XRCC4: variants seen among roughly 807,000 people sequenced by gnomAD.
XRCC4 encodes X-ray repair cross complementing 4, also known as DNA repair protein XRCC4.
Under a neutral mutation model 39.1 loss-of-function variants are expected in XRCC4, and 28 were observed. The observed-to-expected ratio is 0.72, with a 90% CI of 0.53 to 0.98. The LOEUF (loss-of-function observed/expected upper bound fraction) is 0.98. XRCC4 is among the 50% of genes least tolerant of loss of function. XRCC4 has a pLI of 0.00. For synonymous variants in XRCC4, 123 were observed against 126.4 expected (o/e 0.97, Z 0.18); for missense variants, 350 against 376.4 (o/e 0.93, Z 0.58).
At chr5:83,211,083 C>G (rs1388108025) in intron 6 of XRCC4, among the ~76,000 whole-genome samples, 1 of 152,052 alleles carries the variant, frequency 6.6e-6, no homozygotes, top group Non-Finnish European at 1.5e-5. Flanking sequence ...TAAAATTGAC[C>G]CAAAAATAAG....
intron 7 of XRCC4, among the ~76,000 whole-genome samples, chr5:83,309,296 A>AAAAATATATATATATATAT (rs1561467702): frequency 2.8e-5 from 2 of 72,222 alleles, no homozygotes; most frequent in Admixed American, 2.5e-4. Context: ...AAAAAAAAAA[A>AAAAATATATATATATATAT]ATATATATAT....
chr5:83,264,980 G>T (rs926067325), intron 7 of XRCC4, among the ~76,000 whole-genome samples: 4 of 152,034 alleles, frequency 2.6e-5, no homozygotes, highest in Non-Finnish European at 4.4e-5. Flanking sequence ...TTTTGTTGTT[G>T]TTGTTTACCA....
chr5:83,181,096 A>G (rs1297752310), intron 3 of XRCC4, among the ~76,000 whole-genome samples: 1 of 149,930 alleles, frequency 6.7e-6, no homozygotes, highest in African/African-American at 2.4e-5. Flanking sequence ...AAGGTTCTAA[A>G]TAACTCCCTT....
intron 7 of XRCC4, among the ~76,000 whole-genome samples, chr5:83,320,833 A>G (rs1277919051): frequency 7.7e-6 from 1 of 130,528 alleles, no homozygotes; most frequent in Non-Finnish European, 1.6e-5. Flanking sequence ...TTTTTTTGAG[A>G]CAGAGTCTCG....
intron 1 of XRCC4, among the ~76,000 whole-genome samples, chr5:83,094,320 C>T (rs1257734548): frequency 8.0e-6 from 1 of 125,326 alleles, no homozygotes; most frequent in Non-Finnish European, 1.7e-5. Flanking sequence ...TCCCTCCCCT[C>T]CCCTCTCCTC....
At chr5:83,241,002 G>A (rs972699752) in intron 6 of XRCC4, among the ~76,000 whole-genome samples, 1 of 152,116 alleles carries the variant, frequency 6.6e-6, no homozygotes, top group African/African-American at 2.4e-5. Flanking sequence ...TTGTGAGGCC[G>A]AGACGGGCGG....
intron 3 of XRCC4, among the ~76,000 whole-genome samples, chr5:83,122,627 G>A (rs1350315345): frequency 6.6e-6 from 1 of 152,118 alleles, no homozygotes; most frequent in Admixed American, 6.6e-5. Flanking sequence ...AGCAGAAAGT[G>A]AGGTCACTGA....
intron 7 of XRCC4, among the ~76,000 whole-genome samples, chr5:83,275,045 G>A (rs920828828): frequency 6.6e-6 from 1 of 152,176 alleles, no homozygotes; most frequent in Non-Finnish European, 1.5e-5. Flanking sequence ...CCAAGTGGAA[G>A]TTGGTCTTAG....
At chr5:83,152,687 T>G (rs1200134476) in intron 3 of XRCC4, among the ~76,000 whole-genome samples, 1 of 151,874 alleles carries the variant, frequency 6.6e-6, no homozygotes, top group Non-Finnish European at 1.5e-5. Flanking sequence ...CAAAGACCTT[T>G]AAAAGAAGGT....
chr5:83,124,248 T>C (rs955524215), intron 3 of XRCC4, among the ~76,000 whole-genome samples: 3 of 152,168 alleles, frequency 2.0e-5, no homozygotes, highest in African/African-American at 7.2e-5. Flanking sequence ...GAAACCTCTT[T>C]ATTCCCTTGT....
chr5:83,361,939 C>T, the XRCC4 span, among the ~76,000 whole-genome samples: 2 of 152,062 alleles, frequency 1.3e-5, no homozygotes, highest in African/African-American at 2.4e-5. Context: ...TATTCCTTCC[C>T]TCTGTCCCTC....
Position 83,195,784 on chromosome 5 carries a change from C to T in XRCC4, c.330C>T (p.Ser110=). The T allele has an allele frequency of 6.3e-7, 1 of 1,590,444 alleles. No individual in the cohort carries two copies. Among genetic ancestry groups the T allele is most frequent in the Non-Finnish European group, 8.6e-7 (1 of 1,167,004 alleles). The change falls in exon 4 of 8, where the codon TCC becomes TCT. Residue 110 remains serine (S), a synonymous_variant. Transcript: ENST00000396027. ...TTTCATTTTAGTTCAGACTTGGTTC[C>T]TTCAACCTAGAGAAAGTTGAAAACC... ...NLKDVSFRLG[S]FNLEKVENPA...
At chr5:83,233,903 A>C (rs1200394634) in intron 6 of XRCC4, among the ~76,000 whole-genome samples, 1 of 86,358 alleles carries the variant, frequency 1.2e-5, no homozygotes, top group Non-Finnish European at 2.2e-5. Context: ...ACTTCATCTC[A>C]AAAAAAAAAA....
intron 7 of XRCC4, among the ~76,000 whole-genome samples, chr5:83,281,513 T>A (rs200141247): frequency 6.6e-6 from 1 of 152,086 alleles, no homozygotes. Context: ...TGTTTTTTTT[T>A]TTTAATTTTG....
chr5:83,228,864 C>A (rs1752388662), intron 6 of XRCC4, among the ~76,000 whole-genome samples: 2 of 152,126 alleles, frequency 1.3e-5, no homozygotes, highest in South Asian at 2.1e-4. Context: ...ATTGTACTGT[C>A]TCCTTTTTCG....
intron 3 of XRCC4, among the ~76,000 whole-genome samples, chr5:83,173,813 A>G (rs1749833614): frequency 3.3e-5 from 5 of 152,170 alleles, no homozygotes; most frequent in Admixed American, 3.3e-4. Context: ...TGTTAATTCT[A>G]AGGGGACATG....
At chr5:83,114,970 G>A (rs113312952) in intron 3 of XRCC4, among the ~76,000 whole-genome samples, 47 of 152,268 alleles carry the variant, frequency 3.1e-4, no homozygotes, top group African/African-American at 8.9e-4. Flanking sequence ...ACAAAGTTAC[G>A]TCTTACATGG....
Position 83,196,982 on chromosome 5 carries a change from A to G in XRCC4, c.482+1046A>G, listed in dbSNP as rs368349191. Among the ~76,000 whole-genome samples the G allele has an allele frequency of 7.2e-5, 11 of 151,762 alleles. No homozygotes were observed. In the East Asian group the frequency reaches 9.6e-4, roughly 13 times the overall value. ...ATTATTTTTCTGTACATTCAATTAT[A>G]TTTATTAACTAATGCAAAACATGTA... On this transcript the variant is annotated intron_variant, in intron 4 of 7. Transcript: ENST00000396027.
chr5:83,093,014 GACACAC>G (rs34020910), intron 1 of XRCC4, among the ~76,000 whole-genome samples: 2,324 of 149,420 alleles, frequency 0.016, 61 homozygotes, highest in African/African-American at 0.052. Context: ...TAAATGAATG[GACACAC>G]ACACACACAC....
Sources: allele counts gnomAD v4.1 joint callset (sites outside exome capture counted in the v4.1 genomes callset), GRCh38; gene constraint gnomAD v4.1.1; transcripts MANE v1.5; gene names NCBI Gene and HGNC (gene_info 2026-07-23, HGNC 2026-07-21).